The following GRID2 variants were observed in gnomAD, a reference collection of about 807,000 sequenced individuals.
GRID2 encodes the protein glutamate ionotropic receptor delta type subunit 2.
In GRID2, 33 loss-of-function variants were observed where a neutral mutation model predicts 114.8. The observed-to-expected ratio is 0.29, with a 90% CI of 0.22 to 0.38. The LOEUF (loss-of-function observed/expected upper bound fraction) is 0.38, where lower values mean the gene tolerates loss of function less well. GRID2 is among the 10% of genes least tolerant of loss of function. GRID2 has a pLI of 1.00. For synonymous variants in GRID2, 505 were observed against 449.9 expected (o/e 1.12, Z -1.55); for missense variants, 1,184 against 1,257.7 (o/e 0.94, Z 0.89).
At chr4:93,092,935 T>C (rs1345106037) in intron 3 of GRID2, among the ~76,000 whole-genome samples, 1 of 152,028 alleles carries the variant, frequency 6.6e-6, no homozygotes, top group Non-Finnish European at 1.5e-5. Context: ...TTCTGCCCAC[T>C]TAGCAGAGTA....
intron 2 of GRID2, among the ~76,000 whole-genome samples, chr4:92,657,487 T>C (rs1732301747): frequency 6.6e-6 from 1 of 151,736 alleles, no homozygotes; most frequent in African/African-American, 2.4e-5. Context: ...ATTTTAATGT[T>C]TTACAAATAT....
chr4:92,927,762 T>C (rs1379615833), intron 2 of GRID2, among the ~76,000 whole-genome samples: 6 of 151,768 alleles, frequency 4.0e-5, no homozygotes, highest in African/African-American at 1.2e-4. Context: ...CAGATTCTTA[T>C]GGAGATATTT....
At chr4:92,377,689 C>T (rs980263733) in intron 1 of GRID2, among the ~76,000 whole-genome samples, 8 of 152,084 alleles carry the variant, frequency 5.3e-5, no homozygotes, top group African/African-American at 1.7e-4. Context: ...GGAGGCCTCA[C>T]AATTATGGTG....
At chr4:93,163,396 ATATACAC>A (rs1737926348) in intron 4 of GRID2, among the ~76,000 whole-genome samples, 1 of 41,854 alleles carries the variant, frequency 2.4e-5, no homozygotes, top group African/African-American at 9.1e-5. Context: ...ATATATATAT[ATATACAC>A]TATATATATA....
chr4:92,963,487 A>G (rs906191296), intron 2 of GRID2, among the ~76,000 whole-genome samples: 1 of 152,000 alleles, frequency 6.6e-6, no homozygotes, highest in African/African-American at 2.4e-5. Flanking sequence ...CTCCATAAGA[A>G]GCAACTCCTC....
chr4:93,083,569 G>A (rs1322620995), intron 2 of GRID2, among the ~76,000 whole-genome samples: 1 of 151,550 alleles, frequency 6.6e-6, no homozygotes, highest in East Asian at 1.9e-4. Context: ...GGTGGCACAG[G>A]CCTGTAATCC....
At position 92,304,466 on chromosome 4, in the gene GRID2, A is replaced by G; in HGVS notation, c.-191A>G. The G allele has an allele frequency of 3.3e-6, 2 of 607,326 alleles. No individual in the cohort carries two copies. The highest frequency in any genetic ancestry group is 2.9e-6 in the Non-Finnish European group (1 of 343,904). 37.6% of individuals were successfully genotyped at this position (607,326 alleles called of 1,614,324 possible). On this transcript the variant is annotated 5_prime_UTR_variant, in exon 1 of 16. Coordinates refer to ENST00000282020, the MANE Select transcript of GRID2 (RefSeq NM_001510.4). ...ACGGCTTTGCGAAGGAGGTTTCCTC[A>G]GGCTGGGCTCTTTCTGTCATTCCCT...
intron 2 of GRID2, among the ~76,000 whole-genome samples, chr4:92,829,291 G>A (rs1741939760): frequency 6.6e-6 from 1 of 151,964 alleles, no homozygotes; most frequent in African/African-American, 2.4e-5. Flanking sequence ...GTCATTGCTT[G>A]TTTTTGTCAG....
Position 93,085,139 on chromosome 4 carries a change from G to C in GRID2, c.389G>C (p.Gly130Ala). Residue 130 changes from glycine to alanine, a missense_variant, in exon 3 of 16, where the codon GGC becomes GCC. Coordinates refer to ENST00000282020, the MANE Select transcript of GRID2 (RefSeq NM_001510.4). ...TCAACAGCTGGGACCCCAAGGAGTG[G>C]CTGTGGACTCACCCGGAGCAACAGG... ...QRSTAGTPRS[G>A]CGLTRSNRND... The C allele has an allele frequency of 1.2e-6, 2 of 1,614,108 alleles. No individual in the cohort carries two copies. The highest frequency in any genetic ancestry group is 1.7e-6 in the Non-Finnish European group (2 of 1,180,012).
intron 10 of GRID2, among the ~76,000 whole-genome samples, chr4:93,448,923 T>TCCCTTCCCCTTCCCTTC (rs1560630150): frequency 5.6e-5 from 6 of 106,408 alleles, no homozygotes; most frequent in African/African-American, 2.3e-4. Flanking sequence ...CCCTTCCCCT[T>TCCCTTCCCCTTCCCTTC]CCCTTCCCCT....
At chr4:92,666,348 C>G (rs936978874) in intron 2 of GRID2, among the ~76,000 whole-genome samples, 1 of 151,460 alleles carries the variant, frequency 6.6e-6, no homozygotes, top group African/African-American at 2.4e-5. Context: ...CTTTGAGCAT[C>G]TTGAAGACAG....
chr4:93,671,226 G>T (rs1209510730), intron 14 of GRID2, among the ~76,000 whole-genome samples: 1 of 152,178 alleles, frequency 6.6e-6, no homozygotes, highest in Non-Finnish European at 1.5e-5. Flanking sequence ...AAAATACTAT[G>T]CACTAAAGAG....
chr4:93,234,580 G>A (rs1227250465), intron 7 of GRID2, among the ~76,000 whole-genome samples: 4 of 150,202 alleles, frequency 2.7e-5, no homozygotes, highest in Non-Finnish European at 4.4e-5. Context: ...CACACGTAAT[G>A]TTACATGGCA....
intron 14 of GRID2, among the ~76,000 whole-genome samples, chr4:93,692,444 G>A (rs1405771382): frequency 6.6e-6 from 1 of 152,084 alleles, no homozygotes; most frequent in Admixed American, 6.6e-5. Context: ...AAAACACCAA[G>A]AATGTATCTG....
At chr4:93,500,367 C>T (rs1275165655) in intron 12 of GRID2, among the ~76,000 whole-genome samples, 1 of 151,964 alleles carries the variant, frequency 6.6e-6, no homozygotes, top group Non-Finnish European at 1.5e-5. Context: ...TGCTTCCATT[C>T]TTCTACATTT....
chr4:93,101,425 T>C (rs1731695436), intron 3 of GRID2, among the ~76,000 whole-genome samples: 1 of 152,030 alleles, frequency 6.6e-6, no homozygotes, highest in Admixed American at 6.6e-5. Flanking sequence ...TTAACCCCTC[T>C]ACCCTTCTTG....
chr4:93,486,765 C>T (rs1329637085), intron 11 of GRID2, among the ~76,000 whole-genome samples: 3 of 151,842 alleles, frequency 2.0e-5, no homozygotes, highest in African/African-American at 4.8e-5. Flanking sequence ...AATCTACAAT[C>T]ATGTGAAAGA....
At chr4:93,289,389 G>C (rs1579558302) in intron 8 of GRID2, among the ~76,000 whole-genome samples, 1 of 152,152 alleles carries the variant, frequency 6.6e-6, no homozygotes, top group Middle Eastern at 3.4e-3. Flanking sequence ...ACATCATAAA[G>C]CTGTTTATTG....
intron 1 of GRID2, among the ~76,000 whole-genome samples, chr4:92,384,168 G>A (rs1729756775): frequency 6.6e-6 from 1 of 150,670 alleles, no homozygotes; most frequent in South Asian, 2.1e-4. Flanking sequence ...TGCGTGTGAA[G>A]TGGCTGTCAA....
Sources: gnomAD v4.1 joint callset for allele counts (sites outside exome capture counted in the v4.1 genomes callset) on GRCh38, gnomAD v4.1.1 for gene constraint, MANE v1.5 for transcripts, NCBI Gene and HGNC (gene_info 2026-07-23, HGNC 2026-07-21) for gene names.